RIMBP2: variants seen among roughly 807,000 people sequenced by gnomAD.
RIMBP2 encodes RIMS binding protein 2, also known as RIMS-binding protein 2.
Under a neutral mutation model 118.6 loss-of-function variants are expected in RIMBP2, and 48 were observed. The observed-to-expected ratio is 0.40, with a 90% confidence interval of 0.32 to 0.51. RIMBP2 has a LOEUF of 0.51. Ranked by LOEUF, RIMBP2 falls within the 20% of genes least tolerant of loss-of-function variation. The pLI is 0.41. For synonymous variants in RIMBP2, 762 were observed against 742.9 expected (o/e 1.03, Z -0.42); for missense variants, 1,551 against 1,768.3 (o/e 0.88, Z 2.20).
At chr12:130,501,806 T>C (rs912188385) in intron 4 of RIMBP2, among the ~76,000 whole-genome samples, 1 of 152,190 alleles carries the variant, frequency 6.6e-6, no homozygotes, top group Non-Finnish European at 1.5e-5. Context: ...AGCTTGCCCT[T>C]GAATTCTTCC....
intron 6 of RIMBP2, among the ~76,000 whole-genome samples, chr12:130,467,627 A>G (rs2080604862): frequency 6.6e-6 from 1 of 152,190 alleles, no homozygotes; most frequent in Admixed American, 6.5e-5. Flanking sequence ...CTCTATTGCA[A>G]CATCCCTGTC....
At chr12:130,629,250 C>T (rs77238652) in intron 1 of RIMBP2, among the ~76,000 whole-genome samples, 6,702 of 152,230 alleles carry the variant, frequency 0.044, 296 homozygotes, top group African/African-American at 0.11. Context: ...AGGCTTTATC[C>T]TAGAACTTGG....
chr12:130,559,806 G>A (rs2139866668), intron 2 of RIMBP2, among the ~76,000 whole-genome samples: 1 of 152,318 alleles, frequency 6.6e-6, no homozygotes, highest in Middle Eastern at 3.4e-3. Flanking sequence ...CAGGTATTTA[G>A]ATCCCAGATC....
chr12:130,454,465 C>T (rs148676526), intron 7 of RIMBP2, among the ~76,000 whole-genome samples: 222 of 152,328 alleles, frequency 1.5e-3, no homozygotes, highest in African/African-American at 5.1e-3. Context: ...CTGGTGTCCA[C>T]CGCCGTCATA....
At chr12:130,580,953 T>TTG (rs967999522) in intron 2 of RIMBP2, among the ~76,000 whole-genome samples, 21 of 129,966 alleles carry the variant, frequency 1.6e-4, no homozygotes, top group African/African-American at 2.7e-4. Flanking sequence ...GTGTGTTTGT[T>TTG]TGTGTGTGTG....
chr12:130,656,434 A>G, intron 1 of RIMBP2, among the ~76,000 whole-genome samples: 1 of 152,168 alleles, frequency 6.6e-6, no homozygotes. Flanking sequence ...AAGCCAGTGC[A>G]TTTGTGTCCT....
At position 130,406,227 on chromosome 12, in the gene RIMBP2, C is replaced by T; in HGVS notation, c.3710G>A (p.Cys1237Tyr). The T allele has an allele frequency of 6.2e-7, 1 of 1,603,448 alleles. No individual in the cohort carries two copies. The highest frequency in any genetic ancestry group is 8.5e-7 in the Non-Finnish European group (1 of 1,172,604). Residue 1237 changes from cysteine to tyrosine, a missense_variant, in exon 21 of 23, where the codon TGC (cysteine) becomes TAC (tyrosine). Coordinates refer to ENST00000690449, the MANE Select transcript of RIMBP2 (RefSeq NM_001393629.1). ...AAAAACTGTAATAATATCTCCTGTGCAAAATGTAAGTTCGGCCTGTGGAGA... is the reference window on the plus strand; with the variant it reads ...AAAAACTGTAATAATATCTCCTGTGTAAAATGTAAGTTCGGCCTGTGGAGA... ...NVDVEAELTFCTGDIITVFGE... is the reference protein window; with the variant it reads ...NVDVEAELTFYTGDIITVFGE...
chr12:130,584,824 T>A (rs1482747482), intron 2 of RIMBP2, among the ~76,000 whole-genome samples: 2 of 62,142 alleles, frequency 3.2e-5, no homozygotes, highest in Admixed American at 2.9e-4. Flanking sequence ...CTTTTCTTTG[T>A]AACTACTTTT....
At chr12:130,656,664 C>G (rs980928724) in intron 1 of RIMBP2, among the ~76,000 whole-genome samples, 9 of 152,134 alleles carry the variant, frequency 5.9e-5, no homozygotes, top group Admixed American at 4.6e-4. Context: ...CTTCCCTCCA[C>G]GTTTGTCTAT....
At chr12:130,635,911 C>G (rs560266895) in intron 1 of RIMBP2, among the ~76,000 whole-genome samples, 1 of 152,088 alleles carries the variant, frequency 6.6e-6, no homozygotes, top group African/African-American at 2.4e-5. Context: ...TCTACCACCC[C>G]CTACTGTCTT....
chr12:130,615,272 C>CATAAATATATATATAT (rs1555309104), intron 2 of RIMBP2, among the ~76,000 whole-genome samples: 1 of 38,804 alleles, frequency 2.6e-5, no homozygotes, highest in African/African-American at 1.1e-4. Context: ...ACATAATACA[C>CATAAATATATATATAT]ATACATATAT....
chr12:130,591,063 T>C (rs1334927776), intron 2 of RIMBP2, among the ~76,000 whole-genome samples: 3 of 152,204 alleles, frequency 2.0e-5, no homozygotes, highest in Admixed American at 2.0e-4. Context: ...GTCATATCCA[T>C]AGGGCTAAGC....
chr12:130,714,244 A>G (rs568603717), intron 1 of RIMBP2, among the ~76,000 whole-genome samples: 3 of 152,236 alleles, frequency 2.0e-5, no homozygotes, highest in Non-Finnish European at 4.4e-5. Context: ...CCAACAGTGC[A>G]TGGGGCCAAA....
At chr12:130,592,695 A>AAAAAG (rs2059344615) in intron 2 of RIMBP2, among the ~76,000 whole-genome samples, 2 of 150,454 alleles carry the variant, frequency 1.3e-5, no homozygotes. Flanking sequence ...AAAAAAAAAA[A>AAAAAG]GGATGCATTG....
chr12:130,577,306 C>G (rs2058150613), intron 2 of RIMBP2, among the ~76,000 whole-genome samples: 1 of 152,164 alleles, frequency 6.6e-6, no homozygotes. Context: ...TAAACGCTAG[C>G]TATAATTATA....
At chr12:130,598,160 C>G (rs1472573358) in intron 2 of RIMBP2, among the ~76,000 whole-genome samples, 1 of 152,138 alleles carries the variant, frequency 6.6e-6, no homozygotes, top group East Asian at 1.9e-4. Flanking sequence ...AAAATATCTA[C>G]AGGCACACTT....
chr12:130,703,920 C>T lies in RIMBP2; in HGVS notation c.-352+12302G>A, dbSNP rs1373108441. On this transcript the variant is annotated intron_variant, in intron 1 of 22. Coordinates refer to ENST00000690449, the MANE Select transcript of RIMBP2 (RefSeq NM_001393629.1). The surrounding 1 kb of genome is among the most constrained non-coding windows in gnomAD (Gnocchi z 5.7). ...GGCCCGACCACCCTGGGAGGCAGTGCCCCAGCTGTGCTCACCGGTGAGGGG... is the reference window on the plus strand; with the variant it reads ...GGCCCGACCACCCTGGGAGGCAGTGTCCCAGCTGTGCTCACCGGTGAGGGG... Among the ~76,000 whole-genome samples the T allele has an allele frequency of 6.6e-6, 1 of 152,106 alleles. No individual in the cohort carries two copies.
intron 1 of RIMBP2, among the ~76,000 whole-genome samples, chr12:130,692,277 A>T (rs1159776564): frequency 6.6e-6 from 1 of 152,130 alleles, no homozygotes; most frequent in Non-Finnish European, 1.5e-5. Flanking sequence ...CCTTGTGGTC[A>T]GGGCGGGTCT....
chr12:130,616,428 T>C (rs2060939923), intron 2 of RIMBP2, among the ~76,000 whole-genome samples: 1 of 152,200 alleles, frequency 6.6e-6, no homozygotes. Flanking sequence ...CTCGGGCCAG[T>C]GCGGAATCAC....
Sources: gnomAD v4.1 joint callset for allele counts (sites outside exome capture counted in the v4.1 genomes callset) on GRCh38, gnomAD v4.1.1 for gene constraint, Gnocchi (gnomAD v3.1) non-coding constraint, MANE v1.5 for transcripts, NCBI Gene and HGNC (gene_info 2026-07-23, HGNC 2026-07-21) for gene names.